Variants in GPRIN1 observed in about 807,000 individuals in gnomAD.
GPRIN1 encodes G protein regulated inducer of neurite outgrowth 1, also known as G protein-regulated inducer of neurite outgrowth 1.
In GPRIN1, 4 loss-of-function variants were observed where a neutral mutation model predicts 2.8. The ratio of observed to expected loss-of-function variants is 1.45; its 90% CI spans 0.71 to 3.32. The LOEUF is 3.32. Ranked by LOEUF, GPRIN1 falls within the 30% of genes most tolerant of loss-of-function variation. The pLI, the probability that GPRIN1 is intolerant of heterozygous loss-of-function variation, is 0.01. For missense variants in GPRIN1, 1,322 were observed against 1,343.4 expected, an observed-to-expected ratio of 0.98 and a Z score of 0.25; for synonymous variants, 589 against 589.9, an observed-to-expected ratio of 1.00 and a Z score of 0.02.
chr5:176,598,197 G>A lies in GPRIN1; in HGVS notation c.1638C>T (p.Leu546=), dbSNP rs1280421143. 8 of 1,611,692 alleles carry A rather than the reference G, an allele frequency of 5.0e-6. No homozygotes were observed. The highest frequency in any genetic ancestry group is 2.2e-5 in the South Asian group (2 of 91,022). The change falls in exon 2 of 2, where the codon CTC becomes CTT. Residue 546 remains leucine, a synonymous_variant. Coordinates refer to ENST00000303991, the MANE Select transcript of GPRIN1 (RefSeq NM_052899.3). ...APTASGKAEP[L]AVGKEDPVSK... is the part of the protein sequence containing the mutation. Reference sequence around the variant, plus strand: ...TCACAGGGTCCTCCTTGCCCACCGCGAGGGGCTCGGCCTTCCCTGAGGCTG... The same window carrying A: ...TCACAGGGTCCTCCTTGCCCACCGCAAGGGGCTCGGCCTTCCCTGAGGCTG...
rs925579633 is a variant in GPRIN1, at chr5:176,596,925, C to G, written c.2910G>C (p.Ser970=). Residue 970 remains serine (S), a synonymous_variant, in exon 2 of 2, where the codon TCG becomes TCC. Coordinates refer to ENST00000303991, the MANE Select transcript of GPRIN1 (RefSeq NM_052899.3). The surrounding 1 kb of genome is among the most constrained non-coding windows in gnomAD (Gnocchi z 5.2). ...AARAGPGRSG[S]VRTAPPDGAA... is the part of the protein sequence containing the mutation. ...CGCCATCTGGGGGCGCGGTGCGCAC[C>G]GAGCCCGAACGGCCGGGGCCGGCAC... 29 of 1,217,122 alleles carry G rather than the reference C, an allele frequency of 2.4e-5. 1 individual carries two copies. In the East Asian group the frequency reaches 2.4e-4, roughly 10 times the overall value. 75.4% of individuals were successfully genotyped at this position (1,217,122 alleles called of 1,614,324 possible).
chr5:176,596,806 G>C lies in GPRIN1; in HGVS notation c.*2C>G, dbSNP rs1759041516. 7.0e-7 allele frequency: 1 copy of C among 1,429,234 alleles called. No homozygotes were observed. Among genetic ancestry groups the C allele is most frequent in the East Asian group, 2.7e-5 (1 of 36,566 alleles). 88.5% of individuals were successfully genotyped at this position (1,429,234 alleles called of 1,614,324 possible). ...AACTCGGGCGTACAAAATGGGGGCAGATCACTCGGCCGTGGGTCCCGCCCG... is the reference window on the plus strand; with the variant it reads ...AACTCGGGCGTACAAAATGGGGGCACATCACTCGGCCGTGGGTCCCGCCCG... On this transcript the variant is annotated 3_prime_UTR_variant, in exon 2 of 2. Coordinates refer to ENST00000303991, the MANE Select transcript of GPRIN1 (RefSeq NM_052899.3). This position sits in a 1 kb window ranked among gnomAD's most constrained non-coding sequence, Gnocchi z 5.2.
At chr5:176,607,724 G>A (rs1032658987) in intron 1 of GPRIN1, among the ~76,000 whole-genome samples, 51 of 151,846 alleles carry the variant, frequency 3.4e-4, no homozygotes, top group African/African-American at 1.2e-3. Context: ...TGAGGCCACT[G>A]AAGTCAGAGG....
At position 176,610,083 on chromosome 5, in the gene GPRIN1, T is replaced by A. The variant is rs1400682986; in HGVS notation, c.-128A>T. The A allele has an allele frequency of 6.0e-5, 9 of 150,950 alleles. No individual in the cohort carries two copies. Among genetic ancestry groups the A allele is most frequent in the African/African-American group, 2.2e-4 (9 of 40,890 alleles). 9.4% of individuals were successfully genotyped at this position (150,950 alleles called of 1,614,324 possible). On this transcript the variant is annotated 5_prime_UTR_variant, in exon 1 of 2. Coordinates refer to ENST00000303991, the MANE Select transcript of GPRIN1 (RefSeq NM_052899.3). ...CCGCCGCCGCCCGAGCGGCCTCGGC[T>A]GCCTCCGGCCGGGCTGGCGGGAGGA... is the stretch of plus-strand genomic sequence containing the variant.
intron 1 of GPRIN1, among the ~76,000 whole-genome samples, chr5:176,609,171 G>A (rs1353832180): frequency 6.6e-6 from 1 of 152,224 alleles, no homozygotes; most frequent in Non-Finnish European, 1.5e-5. Context: ...GAGGGAGTGT[G>A]TGCACAAGGG....
In GPRIN1 at chr5:176,597,760, C is replaced by A; in HGVS notation, c.2075G>T (p.Gly692Val). Residue 692 changes from glycine to valine, a missense_variant, in exon 2 of 2, where the codon GGG becomes GTG. Gly to Val is a moderately radical substitution (Grantham distance 109). Around this residue, in one of 3 missense-constraint regions of GPRIN1, gnomAD observed 1,117 missense variants for 1,128.6 expected, o/e 0.99. Transcript: ENST00000303991. The surrounding 1 kb of genome is among the most constrained non-coding windows in gnomAD (Gnocchi z 6.1). ...TCTGGAAGGTGCAGAGTCGGCTTTCCCCAGGGACACAGGCTCTCCCTTCCC... is the reference window on the plus strand; with the variant it reads ...TCTGGAAGGTGCAGAGTCGGCTTTCACCAGGGACACAGGCTCTCCCTTCCC... ...ASGKGEPVSL[G>V]KADSAPSRKT... 1 of 1,604,420 alleles carries A rather than the reference C, an allele frequency of 6.2e-7. No homozygotes were observed.
At position 176,596,951 on chromosome 5, in the gene GPRIN1, G is replaced by A. The variant is rs537226925; in HGVS notation, c.2884C>T (p.Arg962Cys). Residue 962 changes from arginine to cysteine, a missense_variant, in exon 2 of 2, where the codon CGT (arginine) becomes TGT (cysteine). This residue lies in a region of GPRIN1 where 196 missense variants were observed against 189.2 expected (regional missense o/e 1.04). Coordinates refer to ENST00000303991, the MANE Select transcript of GPRIN1 (RefSeq NM_052899.3). This position sits in a 1 kb window ranked among gnomAD's most constrained non-coding sequence, Gnocchi z 5.2. ...QGAPAPPPAA[R>C]AGPGRSGSVR... ...GAGCCCGAACGGCCGGGGCCGGCAC[G>A]GGCGGCGGGCGGCGGCGCGGGCGCC... 20 of 1,294,346 alleles carry A rather than the reference G, an allele frequency of 1.5e-5. No homozygotes were observed. The highest frequency in any genetic ancestry group is 1.9e-5 in the Non-Finnish European group (19 of 1,022,032). The allele number at this position is 1,294,346 out of a possible 1,614,324, so 80.2% of individuals were successfully genotyped here.
In GPRIN1 at chr5:176,598,673, C is replaced by T. The variant is rs751304992; in HGVS notation, c.1162G>A (p.Val388Met). The change falls in exon 2 of 2, where the codon GTG becomes ATG. Residue 388 changes from valine (V) to methionine (M), a missense_variant. Val to Met is a conservative substitution (Grantham distance 21). This residue lies in a region of GPRIN1 where 1,117 missense variants were observed against 1,128.6 expected (regional missense o/e 0.99). Transcript: ENST00000303991. ...GCCGTAGTATCCGTGTGGCCAGACA[C>T]AGGACGCCCCTCTCCTGAGGAGGCA... ...DPASSGEGRP[V>M]SGHTDTTASA... 6.2e-7 allele frequency: 1 copy of T among 1,614,132 alleles called. No individual in the cohort carries two copies. Among genetic ancestry groups the T allele is most frequent in the Non-Finnish European group, 8.5e-7 (1 of 1,180,034 alleles).
At chr5:176,601,971 C>G (rs1274277092) in intron 1 of GPRIN1, among the ~76,000 whole-genome samples, 1 of 152,190 alleles carries the variant, frequency 6.6e-6, no homozygotes, top group Non-Finnish European at 1.5e-5. Context: ...TGCTCGGAAC[C>G]AGGCAGTGTC....
Position 176,602,560 on chromosome 5 carries a change from C to T in GPRIN1, c.-43-2683G>A, listed in dbSNP as rs188306341. On this transcript the variant is annotated intron_variant, in intron 1 of 1. Transcript: ENST00000303991. This position sits in a 1 kb window ranked among gnomAD's most constrained non-coding sequence, Gnocchi z 4.4. ...GTGCCCTCCTTGGCTCAAAACCCTC[C>T]TCATTCTTGCCGGAAATGTAAATTA... 6.6e-6 allele frequency among the ~76,000 whole-genome samples: 1 copy of T among 152,186 alleles called. No individual in the cohort carries two copies. The highest frequency in any genetic ancestry group is 6.6e-5 in the Admixed American group (1 of 15,266).
chr5:176,598,395 A>G lies in GPRIN1; in HGVS notation c.1440T>C (p.Asn480=), dbSNP rs773993758. The stretch of plus-strand genomic sequence containing the variant: ...GGTTTGTCTTTCCTGAAGACTCAGG[A>G]TTCACTTTTTCAGATGATGTCTTTC... The part of the protein sequence containing the change: ...GSRKTSSEKV[N]PESSGKTNPV... The change falls in exon 2 of 2, where the codon AAT becomes AAC. Residue 480 remains asparagine (N), a synonymous_variant. Coordinates refer to ENST00000303991, the MANE Select transcript of GPRIN1 (RefSeq NM_052899.3). The G allele has an allele frequency of 6.2e-7, 1 of 1,613,906 alleles. No homozygotes were observed. Among genetic ancestry groups the G allele is most frequent in the Non-Finnish European group, 8.5e-7 (1 of 1,179,950 alleles).
At chr5:176,600,092 T>C (rs1306253378) in intron 1 of GPRIN1, among the ~76,000 whole-genome samples, 1 of 152,214 alleles carries the variant, frequency 6.6e-6, no homozygotes, top group East Asian at 1.9e-4. Context: ...TTCAACGCCC[T>C]TCACAACTTG....
intron 1 of GPRIN1, among the ~76,000 whole-genome samples, chr5:176,606,718 T>G (rs1759225377): frequency 6.6e-6 from 1 of 151,590 alleles, no homozygotes; most frequent in African/African-American, 2.4e-5. Flanking sequence ...GTTACCCTCC[T>G]GGCCTGTAGC....
Position 176,597,355 on chromosome 5 carries a change from C to A in GPRIN1, c.2480G>T (p.Ser827Ile). Reference sequence around the variant, plus strand: ...AGCGCCGTCCTGCGGAGACATGGGGCTCACGGCCACTGAGACGCAGGCCTG... The same window carrying A: ...AGCGCCGTCCTGCGGAGACATGGGGATCACGGCCACTGAGACGCAGGCCTG... ...GAQACVSVAVSPMSPQDGAGG... is the reference protein window; with the variant it reads ...GAQACVSVAVIPMSPQDGAGG... The change falls in exon 2 of 2, where the codon AGC becomes ATC. Residue 827 changes from serine to isoleucine, a missense_variant. Around this residue, in one of 3 missense-constraint regions of GPRIN1, gnomAD observed 1,117 missense variants for 1,128.6 expected, o/e 0.99. Transcript: ENST00000303991. The surrounding 1 kb of genome is among the most constrained non-coding windows in gnomAD (Gnocchi z 6.1). The A allele has an allele frequency of 7.9e-7, 1 of 1,259,382 alleles. No individual in the cohort carries two copies. Among genetic ancestry groups the A allele is most frequent in the South Asian group, 3.1e-5 (1 of 32,670 alleles). 78.0% of individuals were successfully genotyped at this position (1,259,382 alleles called of 1,614,324 possible).
Position 176,597,419 on chromosome 5 carries a change from GC to G in GPRIN1, c.2415del (p.Pro806ArgfsTer21). On this transcript the variant is annotated frameshift_variant, in exon 2 of 2. Coordinates refer to ENST00000303991, the MANE Select transcript of GPRIN1 (RefSeq NM_052899.3). LOFTEE classifies it low-confidence loss of function (END_TRUNC). This position sits in a 1 kb window ranked among gnomAD's most constrained non-coding sequence, Gnocchi z 6.1. The stretch of plus-strand genomic sequence containing the variant: ...GTGCCCGCGTCCTCGCGCGGCGGCG[GC>G]GGGGCGCTCGCCTCCCACGACGGCG... ...TKAPSWEASA[P>X]PPPREDAGTQ... 7.7e-7 allele frequency: 1 copy of G among 1,295,254 alleles called. No individual in the cohort carries two copies. The highest frequency in any genetic ancestry group is 9.7e-7 in the Non-Finnish European group (1 of 1,026,520). The allele number at this position is 1,295,254 out of a possible 1,614,324, so 80.2% of individuals were successfully genotyped here.
chr5:176,605,186 C>A (rs1486293836), intron 1 of GPRIN1, among the ~76,000 whole-genome samples: 1 of 151,704 alleles, frequency 6.6e-6, no homozygotes, highest in Non-Finnish European at 1.5e-5. Context: ...CTCTGCCTCC[C>A]GGGTTCAAGC....
rs1397038689 is a variant in GPRIN1 at position 176,596,187 on chromosome 5, G to A, written c.*621C>T. The A allele has an allele frequency of 6.5e-6, 1 of 152,754 alleles. No individual in the cohort carries two copies. 9.5% of individuals were successfully genotyped at this position (152,754 alleles called of 1,614,324 possible). On this transcript the variant is annotated 3_prime_UTR_variant, in exon 2 of 2. Transcript: ENST00000303991. The surrounding 1 kb of genome is among the most constrained non-coding windows in gnomAD (Gnocchi z 5.2). ...CCTGTGACTCAGTGGGAGAGGGGAT[G>A]GGGCTGGAACCAGGCGGGTGGGAGA... is the stretch of plus-strand genomic sequence containing the variant.
At chr5:176,608,859 G>T (rs978100616) in intron 1 of GPRIN1, among the ~76,000 whole-genome samples, 4 of 152,210 alleles carry the variant, frequency 2.6e-5, no homozygotes, top group Non-Finnish European at 5.9e-5. Context: ...CCTCTTCTGT[G>T]CTGACAAGAC....
chr5:176,601,668 C>T (rs887270856), intron 1 of GPRIN1, among the ~76,000 whole-genome samples: 3 of 152,162 alleles, frequency 2.0e-5, no homozygotes, highest in African/African-American at 4.8e-5. Flanking sequence ...TTCCGTTACA[C>T]ACTCAGTAGC....
Sources: gnomAD v4.1 joint callset for allele counts (sites outside exome capture counted in the v4.1 genomes callset) on GRCh38, gnomAD v4.1.1 for gene constraint, gnomAD v4.1.1 regional missense constraint, Gnocchi (gnomAD v3.1) non-coding constraint, MANE v1.5 for transcripts, NCBI Gene and HGNC (gene_info 2026-07-23, HGNC 2026-07-21) for gene names.